Variants in PARD3 observed in about 807,000 individuals in gnomAD.
PARD3 encodes the protein partitioning defective 3 homolog.
In PARD3, 75 loss-of-function variants were observed where a neutral mutation model predicts 155.4. The ratio of observed to expected loss-of-function variants is 0.48; its 90% CI spans 0.40 to 0.58. The LOEUF (loss-of-function observed/expected upper bound fraction) is 0.58, where lower values mean the gene tolerates loss of function less well. Ranked by LOEUF, PARD3 falls within the 20% of genes least tolerant of loss-of-function variation. PARD3 has a pLI of 0.00. For synonymous variants in PARD3, 576 were observed against 610.5 expected, an observed-to-expected ratio of 0.94 and a Z score of 0.83; for missense variants, 1,642 against 1,721.7, an observed-to-expected ratio of 0.95 and a Z score of 0.82.
At chr10:34,207,606 A>G (rs1470926834) in intron 22 of PARD3, among the ~76,000 whole-genome samples, 1 of 152,218 alleles carries the variant, frequency 6.6e-6, no homozygotes, top group East Asian at 1.9e-4. Context: ...AGAATCATTT[A>G]AGGGTTAAAT....
intron 1 of PARD3, among the ~76,000 whole-genome samples, chr10:34,705,355 GT>G (rs2094347291): frequency 6.6e-6 from 1 of 152,060 alleles, no homozygotes; most frequent in Non-Finnish European, 1.5e-5. Flanking sequence ...GGGCATGGTG[GT>G]GTGTGCCTAT....
At chr10:34,781,545 GTATGGTTCTGTATGAA>G (rs1274523769) in intron 1 of PARD3, among the ~76,000 whole-genome samples, 1 of 152,210 alleles carries the variant, frequency 6.6e-6, no homozygotes, top group African/African-American at 2.4e-5. Flanking sequence ...GAAAAGGTTA[GTATGGTTCTGTATGAA>G]TGGTAGGTGA....
intron 22 of PARD3, among the ~76,000 whole-genome samples, chr10:34,200,878 T>C (rs1445912936): frequency 2.6e-5 from 4 of 152,252 alleles, no homozygotes; most frequent in Admixed American, 2.6e-4. Flanking sequence ...TAGCTGTTCC[T>C]GCATCAGCTT....
At chr10:34,616,325 A>T (rs114374125) in intron 2 of PARD3, among the ~76,000 whole-genome samples, 361 of 151,496 alleles carry the variant, frequency 2.4e-3, no homozygotes, top group African/African-American at 7.1e-3. Flanking sequence ...AAAAAAAATT[A>T]AAAAAAAATT....
chr10:34,773,129 T>C (rs536841450), intron 1 of PARD3, among the ~76,000 whole-genome samples: 2 of 152,312 alleles, frequency 1.3e-5, no homozygotes, highest in South Asian at 4.1e-4. Flanking sequence ...AATTCTTTAA[T>C]GTTCTCTTTA....
intron 5 of PARD3, among the ~76,000 whole-genome samples, chr10:34,425,121 T>C (rs1278312068): frequency 1.3e-5 from 2 of 152,136 alleles, no homozygotes; most frequent in African/African-American, 4.8e-5. Flanking sequence ...CTTCCAATTT[T>C]TTTCCATCTC....
In PARD3 at chr10:34,783,702, C is replaced by T. The variant is rs561986050; in HGVS notation, c.120+31174G>A. ...AGTTTTGTCACAAAAGTATAATCAA[C>T]CACATCATAAAAACTTTAGAAAGAA... On this transcript the variant is annotated intron_variant, in intron 1 of 24. Transcript: ENST00000374788. Among the ~76,000 whole-genome samples, 6 of 149,526 alleles carry T rather than the reference C, an allele frequency of 4.0e-5. No individual in the cohort carries two copies. The East Asian group carries it at 1.2e-3, about 29-fold the overall frequency.
intron 22 of PARD3, among the ~76,000 whole-genome samples, chr10:34,186,369 A>AG: frequency 6.6e-6 from 1 of 151,372 alleles, no homozygotes; most frequent in Middle Eastern, 3.2e-3. Flanking sequence ...AAAAAAAAAA[A>AG]AAAAAAAGAA....
At chr10:34,632,575 C>T (rs1489813661) in intron 2 of PARD3, among the ~76,000 whole-genome samples, 1 of 152,230 alleles carries the variant, frequency 6.6e-6, no homozygotes, top group Admixed American at 6.5e-5. Flanking sequence ...ATACTGCCAA[C>T]ACCAGCTCCT....
At chr10:34,513,819 T>A (rs1200648917) in intron 3 of PARD3, among the ~76,000 whole-genome samples, 1 of 152,236 alleles carries the variant, frequency 6.6e-6, no homozygotes, top group African/African-American at 2.4e-5. Flanking sequence ...GATGTCGGAT[T>A]GTCCTGTGCT....
chr10:34,344,274 GTTTT>G, intron 15 of PARD3: 1 of 805,250 alleles, frequency 1.2e-6, no homozygotes, highest in Non-Finnish European at 1.5e-6. Context: ...TTGTTTGTTT[GTTTT>G]TGTTTTTTTT....
chr10:34,487,275 T>C (rs555888579), intron 3 of PARD3, among the ~76,000 whole-genome samples: 1 of 152,274 alleles, frequency 6.6e-6, no homozygotes, highest in East Asian at 1.9e-4. Flanking sequence ...AGTGAAATCA[T>C]GCTTGACTTC....
intron 3 of PARD3, among the ~76,000 whole-genome samples, chr10:34,485,925 T>G (rs1230939353): frequency 1.4e-5 from 2 of 147,874 alleles, no homozygotes; most frequent in South Asian, 2.1e-4. Flanking sequence ...TGGGTTTTTT[T>G]TTTTTTTTTT....
At chr10:34,493,292 C>T (rs2080040642) in intron 3 of PARD3, among the ~76,000 whole-genome samples, 1 of 152,198 alleles carries the variant, frequency 6.6e-6, no homozygotes. Flanking sequence ...TTACCTTATT[C>T]CAATGTCTTC....
intron 22 of PARD3, among the ~76,000 whole-genome samples, chr10:34,251,856 T>C (rs1306182077): frequency 6.6e-6 from 1 of 152,160 alleles, no homozygotes; most frequent in Non-Finnish European, 1.5e-5. Flanking sequence ...CCATAAACTG[T>C]CTTTGCTGTG....
intron 2 of PARD3, among the ~76,000 whole-genome samples, chr10:34,558,598 T>C (rs1432002300): frequency 1.3e-5 from 2 of 151,984 alleles, no homozygotes; most frequent in Non-Finnish European, 2.9e-5. Context: ...TCCCAGAAAA[T>C]GTACACATTT....
intron 12 of PARD3, among the ~76,000 whole-genome samples, chr10:34,368,395 G>T (rs186432601): frequency 2.0e-5 from 3 of 152,252 alleles, no homozygotes; most frequent in African/African-American, 4.8e-5. Context: ...AGAGCAGGCC[G>T]GGCGCGGTGG....
chr10:34,569,771 A>AT (rs1205866535), intron 2 of PARD3, among the ~76,000 whole-genome samples: 1 of 152,110 alleles, frequency 6.6e-6, no homozygotes, highest in Non-Finnish European at 1.5e-5. Flanking sequence ...TGACTAAAGG[A>AT]TATCAAAACT....
chr10:34,116,914 G>A (rs1052815854), intron 24 of PARD3, among the ~76,000 whole-genome samples: 12 of 152,220 alleles, frequency 7.9e-5, no homozygotes, highest in African/African-American at 1.2e-4. Context: ...AGGGAGAGGC[G>A]GAGAAGGGAA....
Sources: gnomAD v4.1 joint callset for allele counts (sites outside exome capture counted in the v4.1 genomes callset) on GRCh38, gnomAD v4.1.1 for gene constraint, MANE v1.5 for transcripts, NCBI Gene and HGNC (gene_info 2026-07-23, HGNC 2026-07-21) for gene names.